POLR3E: variants seen among roughly 807,000 people sequenced by gnomAD.
POLR3E encodes DNA-directed RNA polymerase III subunit RPC5.
A neutral mutation model predicts 96.6 loss-of-function variants in POLR3E; 41 were observed. The ratio of observed to expected loss-of-function variants is 0.42; its 90% CI spans 0.33 to 0.55. POLR3E has a LOEUF of 0.55. POLR3E is among the 20% of genes least tolerant of loss of function. POLR3E has a pLI of 0.06. For missense variants in POLR3E, 849 were observed against 952.1 expected (o/e 0.89, Z 1.43); for synonymous variants, 396 against 383.6 (o/e 1.03, Z -0.38).
intron 3 of POLR3E, among the ~76,000 whole-genome samples, chr16:22,307,053 G>C (rs2048147949): frequency 6.6e-6 from 1 of 152,220 alleles, no homozygotes; most frequent in African/African-American, 2.4e-5. Flanking sequence ...GGAGGTGCCA[G>C]TGACCCCCGT....
At chr16:22,298,648 G>C (rs1467438048) in intron 1 of POLR3E, among the ~76,000 whole-genome samples, 7 of 152,116 alleles carry the variant, frequency 4.6e-5, no homozygotes, top group Non-Finnish European at 1.0e-4. Context: ...GCAGTATAGT[G>C]GTTAAGAATA....
At chr16:22,330,403 G>T (rs1490721690) in intron 19 of POLR3E, among the ~76,000 whole-genome samples, 2 of 152,110 alleles carry the variant, frequency 1.3e-5, no homozygotes, top group African/African-American at 4.8e-5. Flanking sequence ...TTTTTAATTG[G>T]CTATCATTGT....
At chr16:22,326,687 T>G (rs965827870) in intron 18 of POLR3E, 9 of 294,430 alleles carry the variant, frequency 3.1e-5, no homozygotes, top group Non-Finnish European at 2.6e-5. Flanking sequence ...AAACTGAGGC[T>G]CCAAGGAATG....
intron 19 of POLR3E, among the ~76,000 whole-genome samples, chr16:22,331,214 G>C (rs1440799124): frequency 6.6e-6 from 1 of 151,940 alleles, no homozygotes; most frequent in Non-Finnish European, 1.5e-5. Flanking sequence ...CCTGACCTCA[G>C]GTAATCCGCC....
chr16:22,330,104 G>A (rs1168478078), intron 19 of POLR3E, among the ~76,000 whole-genome samples: 1 of 146,682 alleles, frequency 6.8e-6, no homozygotes, highest in Non-Finnish European at 1.5e-5. Flanking sequence ...TCTTGCTCTT[G>A]CTCTGTCATC....
At chr16:22,297,653 C>G (rs2047921009) in intron 1 of POLR3E, 116 bp downstream of exon 1, 1 of 152,648 alleles carries the variant, frequency 6.6e-6, no homozygotes, top group East Asian at 1.9e-4. Flanking sequence ...CTGTGCCTAG[C>G]AGCTGGAGGC....
At chr16:22,323,657 C>T (rs1376171327) in intron 14 of POLR3E, among the ~76,000 whole-genome samples, 1 of 152,146 alleles carries the variant, frequency 6.6e-6, no homozygotes, top group Non-Finnish European at 1.5e-5. Context: ...GGTGCCCGAG[C>T]AGCATCTTTG....
At chr16:22,330,634 T>C (rs577102864) in intron 19 of POLR3E, among the ~76,000 whole-genome samples, 1 of 152,316 alleles carries the variant, frequency 6.6e-6, no homozygotes, top group Admixed American at 6.5e-5. Flanking sequence ...CCCATGTCTG[T>C]TGCTGAATTC....
chr16:22,312,380 C>G (rs1461579345), intron 6 of POLR3E, among the ~76,000 whole-genome samples: 1 of 151,978 alleles, frequency 6.6e-6, no homozygotes, highest in Non-Finnish European at 1.5e-5. Flanking sequence ...GCCTGTAATC[C>G]CAGTTATGCA....
chr16:22,298,430 C>T (rs925742522), intron 1 of POLR3E, among the ~76,000 whole-genome samples: 5 of 152,184 alleles, frequency 3.3e-5, no homozygotes, highest in Admixed American at 6.5e-5. Flanking sequence ...TATTAGCGTC[C>T]TGTCCTTACT....
chr16:22,309,006 G>A lies in POLR3E; in HGVS notation c.247G>A (p.Gly83Arg), dbSNP rs369770126. The change falls in exon 5 of 21, where the codon GGG (glycine) becomes AGG (arginine). Residue 83 changes from glycine to arginine, a missense_variant. Gly to Arg is a moderately radical substitution (Grantham distance 125, BLOSUM62 -2). Coordinates refer to ENST00000299853, the MANE Select transcript of POLR3E (RefSeq NM_018119.4). The stretch of plus-strand genomic sequence containing the variant: ...GGAGCAGATTGCGCTGAACGTGGAC[G>A]GGGCCTGCGCCGACGAGACCAGCAC... ...KGEQIALNVDGACADETSTYS... is the reference protein window; with the variant it reads ...KGEQIALNVDRACADETSTYS... The A allele has an allele frequency of 9.9e-6, 16 of 1,613,788 alleles. No individual in the cohort carries two copies. Among genetic ancestry groups the A allele is most frequent in the African/African-American group, 1.3e-5 (1 of 75,046 alleles).
intron 12 of POLR3E, among the ~76,000 whole-genome samples, chr16:22,317,409 G>A (rs886489273): frequency 3.3e-5 from 5 of 152,248 alleles, no homozygotes; most frequent in African/African-American, 4.8e-5. Flanking sequence ...CCGGGTTCCC[G>A]TGAATGTAGG....
intron 8 of POLR3E, 87 bp from the exon 9 acceptor site, chr16:22,315,002 T>C (rs2048324430): frequency 2.1e-6 from 3 of 1,422,014 alleles, no homozygotes; most frequent in African/African-American, 2.8e-5. Flanking sequence ...CTATACGGAG[T>C]TCTCTGGTCT....
intron 8 of POLR3E, 146 bp from the exon 9 acceptor site, chr16:22,314,943 C>G: frequency 1.3e-6 from 1 of 777,928 alleles, no homozygotes; most frequent in Non-Finnish European, 2.0e-6. Context: ...ACGGTTGGAA[C>G]GGAATTTAAA....
At position 22,332,155 on chromosome 16, in the gene POLR3E, C is replaced by T. The variant is rs1396573449; in HGVS notation, c.2040C>T (p.Leu680=). The T allele has an allele frequency of 1.2e-6, 2 of 1,613,342 alleles. No individual in the cohort carries two copies. Among genetic ancestry groups the T allele is most frequent in the South Asian group, 2.2e-5 (2 of 91,028 alleles). The change falls in exon 20 of 21, where the codon CTC becomes CTT. Residue 680 remains leucine, a synonymous_variant. Transcript: ENST00000299853. ...TGACTCAAGAGTGTGGAGAAGATCT[C>T]AGTAAACAGGAGGTGGATAAAGTAC... ...SRLTQECGED[L]SKQEVDKVLK...
At chr16:22,329,604 G>A (rs935489975) in intron 19 of POLR3E, among the ~76,000 whole-genome samples, 12 of 152,012 alleles carry the variant, frequency 7.9e-5, no homozygotes, top group African/African-American at 2.9e-4. Context: ...AAGGGGCTGG[G>A]GCCTTTTCCT....
intron 15 of POLR3E, 27 bp downstream of exon 15, chr16:22,324,440 C>A: frequency 6.2e-7 from 1 of 1,610,672 alleles, no homozygotes; most frequent in African/African-American, 1.3e-5. Flanking sequence ...TGGTCTGAGG[C>A]CCAGGCTGCT....
chr16:22,325,718 G>A (rs1337775887), intron 17 of POLR3E, 43 bp from the exon 18 acceptor site: 1 of 1,508,396 alleles, frequency 6.6e-7, no homozygotes, highest in Non-Finnish European at 8.8e-7. Context: ...TTTGGCTTCA[G>A]ATCCCTGTGC....
chr16:22,329,782 G>C (rs2048696925), intron 19 of POLR3E, among the ~76,000 whole-genome samples: 2 of 152,166 alleles, frequency 1.3e-5, no homozygotes, highest in Non-Finnish European at 1.5e-5. Context: ...ACCCCTCAGA[G>C]GTGACCACTT....
Sources: gnomAD v4.1 joint callset for allele counts (sites outside exome capture counted in the v4.1 genomes callset) on GRCh38, gnomAD v4.1.1 for gene constraint, MANE v1.5 for transcripts, NCBI Gene and HGNC (gene_info 2026-07-23, HGNC 2026-07-21) for gene names.